The following ZNF782 variants were observed in gnomAD, a reference collection of about 807,000 sequenced individuals.
ZNF782 encodes the protein zinc finger protein 782.
In ZNF782, 12 loss-of-function variants were observed where a neutral mutation model predicts 13.0. The ratio of observed to expected loss-of-function variants is 0.92; its 90% CI spans 0.59 to 1.50. The LOEUF (loss-of-function observed/expected upper bound fraction) is 1.50. Among genes scored for constraint, ZNF782 ranks in the 40% most tolerant of loss-of-function variants. The pLI, the probability that ZNF782 is intolerant of heterozygous loss-of-function variation, is 0.00. For synonymous variants in ZNF782, 284 were observed against 283.0 expected, an observed-to-expected ratio of 1.00 and a Z score of -0.04; for missense variants, 770 against 822.9, an observed-to-expected ratio of 0.94 and a Z score of 0.79.
At chr9:96,929,153 T>C in the ZNF782 span, 14 of 1,563,284 alleles carry the variant, frequency 9.0e-6, no homozygotes, top group Admixed American at 6.7e-5. Context: ...GAGGGAGCAC[T>C]GGATGTCCCC....
intron 1 of ZNF782, among the ~76,000 whole-genome samples, chr9:96,867,063 C>T (rs1019758880): frequency 6.6e-6 from 1 of 152,162 alleles, no homozygotes; most frequent in African/African-American, 2.4e-5. Flanking sequence ...TGAGTTAATG[C>T]TGAAATGAGT....
intron 4 of ZNF782, among the ~76,000 whole-genome samples, chr9:96,834,493 T>C (rs370051306): frequency 8.5e-5 from 13 of 152,134 alleles, no homozygotes; most frequent in African/African-American, 3.1e-4. Flanking sequence ...GTTCTTGCTC[T>C]CACAGGAATG....
At chr9:96,843,979 AAAG>A (rs1165045325) in intron 4 of ZNF782, among the ~76,000 whole-genome samples, 3 of 152,228 alleles carry the variant, frequency 2.0e-5, no homozygotes, top group East Asian at 1.9e-4. Flanking sequence ...CTGGTCACTT[AAAG>A]AAGATTTATG....
intron 5 of ZNF782, among the ~76,000 whole-genome samples, chr9:96,820,530 T>C (rs1219829718): frequency 1.3e-5 from 2 of 151,752 alleles, no homozygotes; most frequent in African/African-American, 4.8e-5. Flanking sequence ...TCAGGGTTGT[T>C]CAATAGTGAA....
chr9:96,869,561 G>A (rs577207275), intron 1 of ZNF782, among the ~76,000 whole-genome samples: 2 of 152,278 alleles, frequency 1.3e-5, no homozygotes, highest in Admixed American at 6.5e-5. Flanking sequence ...TGTGTCTCAA[G>A]TACTGGATGC....
intron 2 of ZNF782, among the ~76,000 whole-genome samples, 193 bp from the exon 3 acceptor site, chr9:96,852,198 C>G (rs1471309873): frequency 6.6e-6 from 1 of 152,212 alleles, no homozygotes; most frequent in East Asian, 1.9e-4. Context: ...AATTATGGGG[C>G]TTAAACTGCT....
chr9:96,876,571 G>A (rs1851894255), upstream of ZNF782, among the ~76,000 whole-genome samples: 1 of 152,172 alleles, frequency 6.6e-6, no homozygotes, highest in African/African-American at 2.4e-5. Flanking sequence ...GAATAAGGCT[G>A]TGAAATGTGA....
chr9:96,931,309 C>T, the ZNF782 span, among the ~76,000 whole-genome samples: 3 of 151,380 alleles, frequency 2.0e-5, no homozygotes, highest in Admixed American at 6.6e-5. Flanking sequence ...GGTTTCCTGT[C>T]GGCCTTCTGA....
the ZNF782 span, among the ~76,000 whole-genome samples, chr9:96,930,329 G>A: frequency 5.3e-5 from 8 of 152,164 alleles, no homozygotes; most frequent in Non-Finnish European, 1.0e-4. Flanking sequence ...TTCAAGACCA[G>A]CCTGACCAAT....
the ZNF782 span, chr9:96,893,816 C>T: frequency 2.8e-5 from 4 of 144,612 alleles, no homozygotes; most frequent in South Asian, 2.1e-4. Context: ...CTGGCTAGCA[C>T]GGTGAAACCC....
intron 4 of ZNF782, among the ~76,000 whole-genome samples, chr9:96,836,602 A>T (rs991014034): frequency 2.0e-5 from 3 of 152,090 alleles, no homozygotes; most frequent in Non-Finnish European, 4.4e-5. Context: ...ATGGAATATT[A>T]TATTTTGTAT....
the ZNF782 span, among the ~76,000 whole-genome samples, chr9:96,931,030 G>A: frequency 1.1e-4 from 16 of 151,830 alleles, no homozygotes; most frequent in Admixed American, 2.6e-4. Flanking sequence ...GAGTAGCTGC[G>A]ATTACAGGCA....
chr9:96,902,837 C>CTGTCACCCA, the ZNF782 span: 4 of 146,892 alleles, frequency 2.7e-5, no homozygotes, highest in African/African-American at 1.0e-4. Flanking sequence ...CAGGGTCTCA[C>CTGTCACCCA]TGTCACCCAG....
chr9:96,873,707 CA>C (rs1384988028), intron 1 of ZNF782, among the ~76,000 whole-genome samples: 7 of 152,224 alleles, frequency 4.6e-5, no homozygotes, highest in Non-Finnish European at 8.8e-5. Context: ...CACACACACA[CA>C]CAAAAGAGTA....
the ZNF782 span, among the ~76,000 whole-genome samples, chr9:96,896,995 C>G: frequency 6.6e-6 from 1 of 152,230 alleles, no homozygotes; most frequent in African/African-American, 2.4e-5. Context: ...AGCTACCCTG[C>G]AACCTGAGCT....
At chr9:96,896,148 T>C in the ZNF782 span, 3 of 152,130 alleles carry the variant, frequency 2.0e-5, no homozygotes, top group Non-Finnish European at 4.4e-5. Context: ...ATAGCTTGAG[T>C]AAATTAATAC....
chr9:96,876,735 G>C (rs1442623552), upstream of ZNF782, among the ~76,000 whole-genome samples: 2 of 152,072 alleles, frequency 1.3e-5, no homozygotes, highest in African/African-American at 4.8e-5. Context: ...GCCGGGCGCT[G>C]TGGCTCACGC....
At chr9:96,823,696 G>T (rs192171373) in intron 5 of ZNF782, among the ~76,000 whole-genome samples, 1 of 152,160 alleles carries the variant, frequency 6.6e-6, no homozygotes, top group Admixed American at 6.5e-5. Context: ...ATTCATAACC[G>T]TATTTTGAAC....
At chr9:96,901,695 A>G in the ZNF782 span, among the ~76,000 whole-genome samples, 4 of 151,628 alleles carry the variant, frequency 2.6e-5, no homozygotes, top group African/African-American at 9.7e-5. Context: ...CAACGTGGTG[A>G]AACATCGTCT....
Sources: allele counts gnomAD v4.1 joint callset (sites outside exome capture counted in the v4.1 genomes callset), GRCh38; gene constraint gnomAD v4.1.1; transcripts MANE v1.5; gene names NCBI Gene and HGNC (gene_info 2026-07-23, HGNC 2026-07-21).